The following SNTG1 variants were observed in gnomAD, a reference collection of about 807,000 sequenced individuals.
The protein encoded by SNTG1 is gamma-1-syntrophin.
Under a neutral mutation model 74.7 loss-of-function variants are expected in SNTG1, and 39 were observed. The observed-to-expected ratio is 0.52, with a 90% CI of 0.40 to 0.68. The LOEUF (loss-of-function observed/expected upper bound fraction) is 0.68. SNTG1 is among the 30% of genes least tolerant of loss of function. The pLI is 0.00. For missense variants in SNTG1, 685 were observed against 609.5 expected (o/e 1.12, Z -1.30); for synonymous variants, 254 against 217.1 (o/e 1.17, Z -1.49).
chr8:50,320,428 A>C (rs1356496657), intron 2 of SNTG1, among the ~76,000 whole-genome samples: 1 of 151,744 alleles, frequency 6.6e-6, no homozygotes, highest in Non-Finnish European at 1.5e-5. Context: ...CTGACTACAG[A>C]TTTGACAATT....
chr8:50,595,659 G>A (rs1214298247), intron 13 of SNTG1, among the ~76,000 whole-genome samples: 3 of 151,894 alleles, frequency 2.0e-5, no homozygotes, highest in Admixed American at 6.6e-5. Context: ...GAGGGAGCGG[G>A]GAACAAATGT....
rs150624371 is a variant in SNTG1 at position 50,736,642 on chromosome 8, C to T, written c.1285-15359C>T. Among the ~76,000 whole-genome samples the T allele has an allele frequency of 3.0e-3, 461 of 152,144 alleles. 3 individuals are homozygous for T. The highest frequency in any genetic ancestry group is 0.01 in the African/African-American group (433 of 41,524). On this transcript the variant is annotated intron_variant, in intron 17 of 18. Coordinates refer to ENST00000642720, the MANE Select transcript of SNTG1 (RefSeq NM_018967.5). Reference sequence around the variant, plus strand: ...AGATACATTCTTTTCAGCACCACATCGCACTTATTCTAAAATTGACCACAA... The same window carrying T: ...AGATACATTCTTTTCAGCACCACATTGCACTTATTCTAAAATTGACCACAA...
chr8:50,161,990 A>G (rs538503569), intron 1 of SNTG1, among the ~76,000 whole-genome samples: 1 of 152,260 alleles, frequency 6.6e-6, no homozygotes, highest in East Asian at 1.9e-4. Context: ...GGGGAATGAT[A>G]TTTAGGGAAG....
intron 5 of SNTG1, among the ~76,000 whole-genome samples, chr8:50,446,904 A>G (rs1344109188): frequency 6.6e-6 from 1 of 152,230 alleles, no homozygotes; most frequent in Non-Finnish European, 1.5e-5. Context: ...TGCATATAAC[A>G]TATTTGCTTA....
At chr8:50,385,489 A>C (rs2092559811) in intron 2 of SNTG1, among the ~76,000 whole-genome samples, 1 of 152,232 alleles carries the variant, frequency 6.6e-6, no homozygotes, top group South Asian at 2.1e-4. Flanking sequence ...TTTCTGACAC[A>C]CAAATGTCTT....
chr8:50,713,834 C>T (rs1255223612), intron 17 of SNTG1, among the ~76,000 whole-genome samples: 7 of 151,840 alleles, frequency 4.6e-5, no homozygotes, highest in East Asian at 1.9e-4. Context: ...CCAGGGCGGG[C>T]GGAACATGAG....
In SNTG1 at chr8:50,034,966, G is replaced by A. The variant is rs111439805; in HGVS notation, c.-103+122735G>A. Among the ~76,000 whole-genome samples, 898 of 152,272 alleles carry A rather than the reference G, an allele frequency of 5.9e-3. 6 individuals carry two copies. Among genetic ancestry groups the A allele is most frequent in the Middle Eastern group, 0.014 (4 of 294 alleles). On this transcript the variant is annotated intron_variant, in intron 1 of 18. Coordinates refer to ENST00000642720, the MANE Select transcript of SNTG1 (RefSeq NM_018967.5). Reference sequence around the variant, plus strand: ...ACTCCTCAACCCAATTTCCAGCAGCGGGATGAACAGAGGTTCCTTGCACAG... The same window carrying A: ...ACTCCTCAACCCAATTTCCAGCAGCAGGATGAACAGAGGTTCCTTGCACAG...
intron 2 of SNTG1, among the ~76,000 whole-genome samples, chr8:50,311,846 A>G (rs909372369): frequency 4.6e-5 from 7 of 152,204 alleles, no homozygotes; most frequent in East Asian, 3.9e-4. Context: ...GAAATATTCA[A>G]TTAAGTTGCC....
intron 1 of SNTG1, among the ~76,000 whole-genome samples, chr8:49,938,547 C>CTT (rs5891334): frequency 5.4e-5 from 3 of 55,914 alleles, no homozygotes; most frequent in East Asian, 3.6e-3. Context: ...ACCATGCCTT[C>CTT]TTTTCTTTTG....
intron 18 of SNTG1, among the ~76,000 whole-genome samples, chr8:50,769,101 C>T (rs2095620820): frequency 1.3e-5 from 2 of 151,274 alleles, no homozygotes; most frequent in Non-Finnish European, 3.0e-5. Context: ...TTCAAATCTC[C>T]TATTCTCCAT....
At chr8:50,558,331 G>T (rs1052106394) in intron 12 of SNTG1, among the ~76,000 whole-genome samples, 1 of 152,102 alleles carries the variant, frequency 6.6e-6, no homozygotes, top group African/African-American at 2.4e-5. Flanking sequence ...CTGTTGGCTC[G>T]CAGAGGCCTC....
At chr8:50,061,472 A>T (rs558955720) in intron 1 of SNTG1, among the ~76,000 whole-genome samples, 1 of 151,976 alleles carries the variant, frequency 6.6e-6, no homozygotes, top group South Asian at 2.1e-4. Context: ...AGTTTCTTTC[A>T]TTTTTAATTG....
intron 17 of SNTG1, among the ~76,000 whole-genome samples, chr8:50,712,233 G>C (rs940747388): frequency 6.6e-6 from 1 of 152,174 alleles, no homozygotes; most frequent in Non-Finnish European, 1.5e-5. Context: ...AGTGAGGATG[G>C]ACATGGAATT....
intron 1 of SNTG1, among the ~76,000 whole-genome samples, chr8:50,136,730 A>G (rs143571280): frequency 1.3e-5 from 2 of 152,222 alleles, no homozygotes; most frequent in Non-Finnish European, 2.9e-5. Context: ...CAGGGGGCAC[A>G]GAGATGACTA....
intron 2 of SNTG1, among the ~76,000 whole-genome samples, chr8:50,179,112 A>G (rs1185001380): frequency 6.6e-6 from 1 of 152,060 alleles, no homozygotes; most frequent in Non-Finnish European, 1.5e-5. Flanking sequence ...AAATTAGTTG[A>G]CCATGTATGC....
intron 2 of SNTG1, among the ~76,000 whole-genome samples, chr8:50,377,082 A>G (rs1449036529): frequency 6.6e-6 from 1 of 152,096 alleles, no homozygotes. Flanking sequence ...TAATAAGCAC[A>G]TAGAAAGGAG....
At chr8:50,476,779 A>G (rs2093699662) in intron 8 of SNTG1, among the ~76,000 whole-genome samples, 1 of 151,974 alleles carries the variant, frequency 6.6e-6, no homozygotes, top group African/African-American at 2.4e-5. Context: ...GGTATCTAAT[A>G]CTTTTCTCCA....
intron 13 of SNTG1, among the ~76,000 whole-genome samples, chr8:50,610,825 C>T (rs2094844624): frequency 6.6e-6 from 1 of 152,128 alleles, no homozygotes; most frequent in South Asian, 2.1e-4. Flanking sequence ...TGAAAGACAA[C>T]ACTTCTCAAT....
chr8:50,404,328 G>A (rs2092843146), intron 4 of SNTG1, among the ~76,000 whole-genome samples: 1 of 152,056 alleles, frequency 6.6e-6, no homozygotes, highest in Non-Finnish European at 1.5e-5. Context: ...TAAAAGCTAA[G>A]TATTGATAAA....
Sources: gnomAD v4.1 joint callset for allele counts (sites outside exome capture counted in the v4.1 genomes callset) on GRCh38, gnomAD v4.1.1 for gene constraint, MANE v1.5 for transcripts, NCBI Gene and HGNC (gene_info 2026-07-23, HGNC 2026-07-21) for gene names.